Variants in ZDHHC15 observed in about 807,000 individuals in gnomAD.
ZDHHC15 encodes the protein zDHHC palmitoyltransferase 15.
Under a neutral mutation model 31.7 loss-of-function variants are expected in ZDHHC15, and 19 were observed. The observed-to-expected ratio is 0.60, with a 90% confidence interval of 0.42 to 0.88. The LOEUF (loss-of-function observed/expected upper bound fraction) is 0.88. Among genes scored for constraint, ZDHHC15 ranks in the 40% least tolerant of loss-of-function variants. The pLI is 0.00. For missense variants in ZDHHC15, 209 were observed against 251.2 expected (o/e 0.83, Z 1.14); for synonymous variants, 103 against 90.0 (o/e 1.14, Z -0.82).
intron 2 of ZDHHC15, among the ~76,000 whole-genome samples, chrX:75,480,090 A>G (rs1318576908): frequency 1.8e-5 from 2 of 111,190 alleles, no homozygotes; most frequent in Admixed American, 1.9e-4. Flanking sequence ...GACTCAAGGG[A>G]ATAATGACTC....
intron 10 of ZDHHC15, among the ~76,000 whole-genome samples, chrX:75,390,558 G>C (rs1295424064): frequency 9.0e-6 from 1 of 111,588 alleles, no homozygotes; most frequent in Non-Finnish European, 1.9e-5. Flanking sequence ...GAGAGCCTCT[G>C]TCTGGTAATC....
rs1416853899 is a variant in ZDHHC15 at position 75,469,916 on chromosome X, T to C, written c.258+8975A>G. On this transcript the variant is annotated intron_variant, in intron 3 of 11. Coordinates refer to ENST00000373367, the MANE Select transcript of ZDHHC15 (RefSeq NM_144969.3). ...TTACAGTTTTTTTTATAGTAAGCCTTTTAAAAAAGATTTTAATAAAGGGTG... is the reference window on the plus strand; with the variant it reads ...TTACAGTTTTTTTTATAGTAAGCCTCTTAAAAAAGATTTTAATAAAGGGTG... Among the ~76,000 whole-genome samples the C allele has an allele frequency of 3.6e-5, 4 of 112,139 alleles. No individual in the cohort carries two copies. The East Asian group carries it at 1.1e-3, about 31-fold the overall frequency.
At chrX:75,437,670 T>G (rs2083880663) in intron 4 of ZDHHC15, among the ~76,000 whole-genome samples, 1 of 106,103 alleles carries the variant, frequency 9.4e-6, no homozygotes, top group Admixed American at 1.0e-4. Context: ...CCACATTTTC[T>G]TAATCCAGTC....
chrX:75,395,772 C>T (rs1182344819), intron 10 of ZDHHC15, among the ~76,000 whole-genome samples: 1 of 111,642 alleles, frequency 9.0e-6, no homozygotes, highest in African/African-American at 3.2e-5. Context: ...GTAGGAACCA[C>T]ATTACCTGAC....
At chrX:75,419,672 C>T (rs184034721) in intron 9 of ZDHHC15, among the ~76,000 whole-genome samples, 113 of 109,741 alleles carry the variant, frequency 1.0e-3, no homozygotes, top group Non-Finnish European at 1.9e-3. Context: ...CGGCACTATT[C>T]ACAATAGCAA....
intron 10 of ZDHHC15, among the ~76,000 whole-genome samples, chrX:75,386,327 G>T (rs1455361856): frequency 9.0e-6 from 1 of 111,728 alleles, no homozygotes; most frequent in Non-Finnish European, 1.9e-5. Flanking sequence ...GCACACTCAA[G>T]AAAATTTTTA....
intron 3 of ZDHHC15, among the ~76,000 whole-genome samples, chrX:75,452,562 C>T (rs989342143): frequency 9.0e-6 from 1 of 111,667 alleles, no homozygotes; most frequent in Non-Finnish European, 1.9e-5. Context: ...ACAGAACTCT[C>T]CACCCCAAAT....
At chrX:75,416,882 A>G (rs2083554885) in intron 10 of ZDHHC15, among the ~76,000 whole-genome samples, 1 of 111,495 alleles carries the variant, frequency 9.0e-6, no homozygotes, top group Admixed American at 9.6e-5. Flanking sequence ...CAGAATCACA[A>G]AGCTGGTAAG....
At position 75,393,869 on chromosome X, in the gene ZDHHC15, A is replaced by T. The variant is rs376567844; in HGVS notation, c.968-14671T>A. Among the ~76,000 whole-genome samples the T allele has an allele frequency of 5.4e-5, 6 of 112,102 alleles. No individual in the cohort carries two copies. In the East Asian group the frequency reaches 1.1e-3, roughly 21 times the overall value. On this transcript the variant is annotated intron_variant, in intron 10 of 11. Transcript: ENST00000373367. ...AGAGCCAGTCCAAGTTACAAAACTG[A>T]AGAACTTGGAGTCTGATGTTTGAGG...
At chrX:75,420,816 C>T (rs1462781174) in intron 9 of ZDHHC15, among the ~76,000 whole-genome samples, 2 of 110,006 alleles carry the variant, frequency 1.8e-5, no homozygotes, top group East Asian at 5.7e-4. Flanking sequence ...GGGTGGGGAG[C>T]TAGGGGAGGG....
intron 3 of ZDHHC15, among the ~76,000 whole-genome samples, chrX:75,460,334 G>A (rs2084292960): frequency 9.0e-6 from 1 of 110,995 alleles, no homozygotes; most frequent in Admixed American, 9.6e-5. Context: ...TCTCTGTGGT[G>A]CAGTTGATTC....
intron 1 of ZDHHC15, among the ~76,000 whole-genome samples, chrX:75,517,830 T>C (rs1352860451): frequency 9.1e-6 from 1 of 109,982 alleles, no homozygotes; most frequent in Non-Finnish European, 1.9e-5. Flanking sequence ...AGGTGAGAGC[T>C]AAAAGTATAA....
chrX:75,412,014 T>G (rs2147820891), intron 10 of ZDHHC15, among the ~76,000 whole-genome samples: 1 of 111,860 alleles, frequency 8.9e-6, no homozygotes, highest in South Asian at 3.7e-4. Flanking sequence ...CCAACAGGTG[T>G]GTGAAAGGAT....
At chrX:75,508,661 C>A (rs1406784391) in intron 1 of ZDHHC15, among the ~76,000 whole-genome samples, 2 of 110,206 alleles carry the variant, frequency 1.8e-5, no homozygotes, top group Non-Finnish European at 3.8e-5. Flanking sequence ...GGGTATATAC[C>A]CAGTAATGGG....
intron 10 of ZDHHC15, among the ~76,000 whole-genome samples, chrX:75,401,168 A>G (rs1227448372): frequency 1.8e-5 from 2 of 109,682 alleles, no homozygotes; most frequent in Non-Finnish European, 3.8e-5. Flanking sequence ...TTTTTTACAA[A>G]TTGGAGCACG....
intron 2 of ZDHHC15, among the ~76,000 whole-genome samples, chrX:75,500,069 G>T (rs185405893): frequency 1.8e-5 from 2 of 111,135 alleles, no homozygotes; most frequent in East Asian, 2.8e-4. Flanking sequence ...TTATAAGTGG[G>T]AGCTAAGTTA....
At chrX:75,381,792 C>T (rs1030362275) in intron 10 of ZDHHC15, among the ~76,000 whole-genome samples, 2 of 111,389 alleles carry the variant, frequency 1.8e-5, no homozygotes, top group African/African-American at 6.5e-5. Context: ...TAGCATCTAT[C>T]CTGATGTTTC....
At position 75,454,689 on chromosome X, in the gene ZDHHC15, C is replaced by G. The variant is rs763787910; in HGVS notation, c.259-3767G>C. On this transcript the variant is annotated intron_variant, in intron 3 of 11. Transcript: ENST00000373367. ...TTGGGACAAGTTAACGGGTGGAGCACACCAACATGGCACATGTTTACATAT... is the reference window on the plus strand; with the variant it reads ...TTGGGACAAGTTAACGGGTGGAGCAGACCAACATGGCACATGTTTACATAT... Among the ~76,000 whole-genome samples the G allele has an allele frequency of 2.7e-5, 3 of 111,510 alleles. No homozygotes were observed. In the South Asian group the frequency reaches 1.1e-3, roughly 42 times the overall value.
At chrX:75,478,809 C>G in intron 3 of ZDHHC15, 82 bp downstream of exon 3, 2 of 718,288 alleles carry the variant, frequency 2.8e-6, no homozygotes, top group South Asian at 5.1e-5. Context: ...ATTATTTACT[C>G]CTCTTTTTGT....
Sources: allele counts gnomAD v4.1 joint callset (sites outside exome capture counted in the v4.1 genomes callset), GRCh38; gene constraint gnomAD v4.1.1; transcripts MANE v1.5; gene names NCBI Gene and HGNC (gene_info 2026-07-23, HGNC 2026-07-21).